The following CACNA2D1 variants were observed in gnomAD, a reference collection of about 807,000 sequenced individuals.
CACNA2D1 encodes calcium voltage-gated channel auxiliary subunit alpha2delta 1.
In CACNA2D1, 53 loss-of-function variants were observed where a neutral mutation model predicts 171.5. The observed-to-expected ratio is 0.31, with a 90% CI of 0.25 to 0.39. The LOEUF (loss-of-function observed/expected upper bound fraction) is 0.39, where lower values mean the gene tolerates loss of function less well. Among genes scored for constraint, CACNA2D1 ranks in the 10% least tolerant of loss-of-function variants. The probability of loss-of-function intolerance (pLI) is 1.00; values close to 1 mark genes in which losing one functional copy is unlikely to be tolerated. For synonymous variants in CACNA2D1, 442 were observed against 443.1 expected (o/e 1.00, Z 0.03); for missense variants, 903 against 1,299.8 (o/e 0.69, Z 4.69).
chr7:82,335,460 T>C (rs944707557), intron 2 of CACNA2D1, among the ~76,000 whole-genome samples: 3 of 152,182 alleles, frequency 2.0e-5, no homozygotes, highest in African/African-American at 7.2e-5. Flanking sequence ...ATATAGGTTA[T>C]GTTAACAGGT....
At chr7:82,441,726 T>C (rs914718127) in intron 1 of CACNA2D1, among the ~76,000 whole-genome samples, 6 of 152,314 alleles carry the variant, frequency 3.9e-5, no homozygotes, top group African/African-American at 1.4e-4. Flanking sequence ...AAATTGTCAG[T>C]TAAAAACAAC....
intron 3 of CACNA2D1, among the ~76,000 whole-genome samples, chr7:82,177,481 AT>A (rs1322657859): frequency 6.6e-6 from 1 of 152,116 alleles, no homozygotes; most frequent in Non-Finnish European, 1.5e-5. Flanking sequence ...CAAGGTTTGG[AT>A]TGAACAAACA....
At chr7:82,366,727 G>A (rs967611375) in intron 1 of CACNA2D1, among the ~76,000 whole-genome samples, 2 of 151,832 alleles carry the variant, frequency 1.3e-5, no homozygotes, top group Non-Finnish European at 2.9e-5. Context: ...TTTCCTTTGG[G>A]TATATATATC....
At chr7:82,341,930 T>C (rs1240245237) in intron 2 of CACNA2D1, among the ~76,000 whole-genome samples, 1 of 151,852 alleles carries the variant, frequency 6.6e-6, no homozygotes, top group East Asian at 1.9e-4. Context: ...GGCAGGCACC[T>C]GTAGTCCCAG....
intron 3 of CACNA2D1, among the ~76,000 whole-genome samples, chr7:82,185,534 G>T (rs1171667598): frequency 2.5e-5 from 1 of 40,812 alleles, no homozygotes; most frequent in Non-Finnish European, 4.6e-5. Context: ...GAGGAGGAGG[G>T]GGAGGAAGGG....
At chr7:82,012,416 C>T (rs993625345) in intron 14 of CACNA2D1, among the ~76,000 whole-genome samples, 173 bp from the exon 15 acceptor site, 2 of 152,024 alleles carry the variant, frequency 1.3e-5, no homozygotes, top group Non-Finnish European at 2.9e-5. Flanking sequence ...GGTGGTATGG[C>T]TACGTTATTT....
chr7:81,970,800 T>C (rs2061426141), intron 26 of CACNA2D1, 63 bp from the exon 27 acceptor site: 1 of 915,554 alleles, frequency 1.1e-6, no homozygotes, highest in South Asian at 1.3e-5. Context: ...CAAAGTTAGG[T>C]GTTGGTGATA....
At chr7:82,195,660 TAAA>T (rs75394173) in intron 3 of CACNA2D1, among the ~76,000 whole-genome samples, 1 of 142,642 alleles carries the variant, frequency 7.0e-6, no homozygotes, top group Non-Finnish European at 1.5e-5. Context: ...TTCATGTATT[TAAA>T]AAAAAAAAAA....
intron 1 of CACNA2D1, among the ~76,000 whole-genome samples, chr7:82,367,004 T>C (rs1563437780): frequency 6.7e-6 from 1 of 148,910 alleles, no homozygotes; most frequent in Non-Finnish European, 1.5e-5. Context: ...CCTTCTGGGC[T>C]CAAACAATTC....
chr7:82,167,378 G>T (rs1205145835), intron 4 of CACNA2D1, among the ~76,000 whole-genome samples: 1 of 151,846 alleles, frequency 6.6e-6, no homozygotes, highest in Non-Finnish European at 1.5e-5. Context: ...TTCTGCTCTG[G>T]TCTTGAAGGA....
At chr7:82,409,734 T>C (rs1460882733) in intron 1 of CACNA2D1, among the ~76,000 whole-genome samples, 2 of 152,220 alleles carry the variant, frequency 1.3e-5, no homozygotes, top group East Asian at 1.9e-4. Flanking sequence ...AAGGTCTCTT[T>C]CGCACACTAT....
intron 1 of CACNA2D1, among the ~76,000 whole-genome samples, chr7:82,363,602 G>A (rs746109571): frequency 6.6e-6 from 1 of 152,184 alleles, no homozygotes; most frequent in Non-Finnish European, 1.5e-5. Flanking sequence ...AGAATGAAAG[G>A]AGTGAATAAA....
At chr7:81,985,130 T>A (rs188621545) in intron 21 of CACNA2D1, among the ~76,000 whole-genome samples, 7 of 152,044 alleles carry the variant, frequency 4.6e-5, no homozygotes, top group Non-Finnish European at 8.8e-5. Flanking sequence ...TTATATATAA[T>A]GTTAAAGTGC....
intron 1 of CACNA2D1, among the ~76,000 whole-genome samples, chr7:82,406,938 A>G (rs1827123341): frequency 6.6e-6 from 1 of 152,194 alleles, no homozygotes; most frequent in Admixed American, 6.5e-5. Flanking sequence ...TAATGAATCA[A>G]TGTATGTTTT....
intron 4 of CACNA2D1, among the ~76,000 whole-genome samples, chr7:82,161,102 T>C (rs995091030): frequency 6.6e-6 from 1 of 152,020 alleles, no homozygotes; most frequent in African/African-American, 2.4e-5. Flanking sequence ...AAAGTCTGAT[T>C]GGATTAAAAA....
At chr7:82,159,634 A>G (rs2129129000) in intron 4 of CACNA2D1, among the ~76,000 whole-genome samples, 1 of 151,768 alleles carries the variant, frequency 6.6e-6, no homozygotes, top group Non-Finnish European at 1.5e-5. Flanking sequence ...AAAGTGAAAG[A>G]AAATAAAAGA....
chr7:81,975,731 A>G (rs1365539081), intron 24 of CACNA2D1, among the ~76,000 whole-genome samples: 1 of 152,204 alleles, frequency 6.6e-6, no homozygotes, highest in African/African-American at 2.4e-5. Flanking sequence ...ACTTCCAAAT[A>G]ATGACACATT....
intron 3 of CACNA2D1, among the ~76,000 whole-genome samples, chr7:82,303,045 G>A (rs944715865): frequency 1.3e-5 from 2 of 152,146 alleles, no homozygotes; most frequent in Admixed American, 6.5e-5. Context: ...CCAGGCTGGA[G>A]TGCAGTGGTG....
intron 3 of CACNA2D1, among the ~76,000 whole-genome samples, chr7:82,234,808 C>G (rs1803354945): frequency 1.3e-5 from 2 of 152,150 alleles, no homozygotes; most frequent in African/African-American, 4.8e-5. Flanking sequence ...GGGTTTTCCC[C>G]ATACATGTTA....
Sources: gnomAD v4.1 joint callset for allele counts (sites outside exome capture counted in the v4.1 genomes callset) on GRCh38, gnomAD v4.1.1 for gene constraint, MANE v1.5 for transcripts, NCBI Gene and HGNC (gene_info 2026-07-23, HGNC 2026-07-21) for gene names.